Variants in FBN2 observed in about 807,000 individuals in gnomAD.
The protein encoded by FBN2 is fibrillin-2.
In FBN2, 105 loss-of-function variants were observed where a neutral mutation model predicts 355.6. The ratio of observed to expected loss-of-function variants is 0.30; its 90% CI spans 0.25 to 0.35. The LOEUF (loss-of-function observed/expected upper bound fraction) is 0.35. Ranked by LOEUF, FBN2 falls within the 10% of genes least tolerant of loss-of-function variation. The pLI is 1.00. For missense variants in FBN2, 3,280 were observed against 3,758.7 expected (o/e 0.87, Z 3.33); for synonymous variants, 1,350 against 1,301.2 (o/e 1.04, Z -0.81).
chr5:128,347,806 C>CCTCA (rs1751224789), intron 23 of FBN2, among the ~76,000 whole-genome samples: 1 of 151,738 alleles, frequency 6.6e-6, no homozygotes, highest in Non-Finnish European at 1.5e-5. Flanking sequence ...TGAGACAGAG[C>CCTCA]CTCACTCTGT....
intron 7 of FBN2, among the ~76,000 whole-genome samples, chr5:128,445,801 AT>A (rs1186298056): frequency 2.0e-5 from 3 of 152,172 alleles, no homozygotes; most frequent in Admixed American, 2.0e-4. Flanking sequence ...AACTTCTTGA[AT>A]TTTATAAAAA....
At position 128,311,610 on chromosome 5, in the gene FBN2, T is replaced by C. The variant is rs148767253; in HGVS notation, c.4949-185A>G. Among the ~76,000 whole-genome samples, 218 of 152,336 alleles carry C rather than the reference T, an allele frequency of 1.4e-3. 1 individual carries two copies. The highest frequency in any genetic ancestry group is 4.8e-3 in the African/African-American group (199 of 41,584). ...TGGCTTTGTCACAGAACTTTTACCA[T>C]TATCTGAGAAAATGAATAAAGTTAA... On this transcript the variant is annotated intron_variant, in intron 38 of 64. Coordinates refer to ENST00000262464, the MANE Select transcript of FBN2 (RefSeq NM_001999.4).
At position 128,396,078 on chromosome 5, in the gene FBN2, C is replaced by T. The variant is rs895000719; in HGVS notation, c.1079-804G>A. On this transcript the variant is annotated intron_variant, in intron 8 of 64. Transcript: ENST00000262464. ...ATGATGGTGGCTTTGATGAGGGTGG[C>T]AGCAGTGGAGATGATGAGGCTGAGC... 4.6e-5 allele frequency among the ~76,000 whole-genome samples: 7 copies of T among 152,042 alleles called. No homozygotes were observed. The East Asian group carries it at 5.8e-4, about 13-fold the overall frequency.
intron 6 of FBN2, among the ~76,000 whole-genome samples, chr5:128,453,585 T>C (rs1350088688): frequency 2.0e-5 from 3 of 152,238 alleles, no homozygotes; most frequent in African/African-American, 7.2e-5. Flanking sequence ...ATTTGGGTAG[T>C]AATTCTTTGA....
intron 7 of FBN2, among the ~76,000 whole-genome samples, chr5:128,431,394 A>C (rs1015992966): frequency 1.3e-5 from 2 of 152,174 alleles, no homozygotes; most frequent in Non-Finnish European, 2.9e-5. Flanking sequence ...GATTGCTGTC[A>C]ATCAGGAACA....
At chr5:128,469,462 C>T (rs570503530) in intron 5 of FBN2, among the ~76,000 whole-genome samples, 2 of 144,718 alleles carry the variant, frequency 1.4e-5, no homozygotes, top group South Asian at 2.2e-4. Flanking sequence ...ACCCAGGAGG[C>T]GGAGCTTGCA....
intron 7 of FBN2, chr5:128,442,186 T>C (rs994178257): frequency 4.7e-5 from 18 of 379,916 alleles, no homozygotes; most frequent in African/African-American, 3.6e-4. Flanking sequence ...CAAACTAAAT[T>C]GCAAACAACT....
intron 7 of FBN2, among the ~76,000 whole-genome samples, chr5:128,443,873 T>G (rs974883826): frequency 3.3e-5 from 5 of 152,132 alleles, no homozygotes; most frequent in Non-Finnish European, 7.4e-5. Flanking sequence ...TTGCTATAGT[T>G]ATATTTTTAT....
intron 5 of FBN2, among the ~76,000 whole-genome samples, chr5:128,466,025 T>G (rs1355512140): frequency 2.0e-5 from 3 of 152,206 alleles, no homozygotes; most frequent in African/African-American, 7.2e-5. Flanking sequence ...CTATCCTGCT[T>G]TCTTCTGTGA....
At chr5:128,400,542 C>T (rs1222550362) in intron 8 of FBN2, among the ~76,000 whole-genome samples, 1 of 152,056 alleles carries the variant, frequency 6.6e-6, no homozygotes, top group African/African-American at 2.4e-5. Flanking sequence ...TACAATCTGG[C>T]ACCCATCAAT....
chr5:128,293,107 T>C (rs1435023945), intron 48 of FBN2, among the ~76,000 whole-genome samples: 2 of 152,150 alleles, frequency 1.3e-5, no homozygotes, highest in East Asian at 3.8e-4. Context: ...CTGTGCAGGG[T>C]ATGTGTACAC....
chr5:128,303,218 C>G (rs1749769601), intron 45 of FBN2, 129 bp from the exon 46 acceptor site: 1 of 677,168 alleles, frequency 1.5e-6, no homozygotes, highest in African/African-American at 1.8e-5. Flanking sequence ...CTCATATCTA[C>G]TTGAGGAAAA....
In FBN2 at chr5:128,278,761, T is replaced by C; in HGVS notation, c.7219A>G (p.Lys2407Glu). 1.2e-6 allele frequency: 2 copies of C among 1,614,162 alleles called. No homozygotes were observed. The highest frequency in any genetic ancestry group is 1.3e-5 in the African/African-American group (1 of 75,046). Residue 2407 changes from lysine (K) to glutamate (E), a missense_variant, in exon 57 of 65, where the codon AAG becomes GAG. Lys to Glu is a moderately conservative substitution (Grantham distance 56). Coordinates refer to ENST00000262464, the MANE Select transcript of FBN2 (RefSeq NM_001999.4). ...MASSSRNLVT[K>E]SECCCDGGRG... The stretch of plus-strand genomic sequence containing the variant: ...CCACCATCACAGCAGCATTCTGACT[T>C]AGTGACGAGATTGCGACTACTGGAT...
At chr5:128,340,388 C>T (rs1318138295) in intron 25 of FBN2, among the ~76,000 whole-genome samples, 8 of 152,048 alleles carry the variant, frequency 5.3e-5, no homozygotes, top group Non-Finnish European at 1.0e-4. Flanking sequence ...TATTTATTTC[C>T]CTCATTACTG....
intron 62 of FBN2, 58 bp from the exon 63 acceptor site, chr5:128,263,714 A>G: frequency 7.8e-7 from 1 of 1,282,758 alleles, no homozygotes; most frequent in Non-Finnish European, 1.1e-6. Flanking sequence ...CAAAAACGTG[A>G]ACAAGTCTGG....
chr5:128,330,777 A>G, intron 32 of FBN2, 82 bp from the exon 33 acceptor site: 1 of 1,459,840 alleles, frequency 6.9e-7, no homozygotes, highest in Non-Finnish European at 9.6e-7. Flanking sequence ...CTTAATTTAC[A>G]TATAAACTGG....
chr5:128,476,776 C>T (rs941873689), intron 5 of FBN2, among the ~76,000 whole-genome samples: 7 of 152,164 alleles, frequency 4.6e-5, no homozygotes, highest in Non-Finnish European at 8.8e-5. Flanking sequence ...TTTCATGGAA[C>T]CTTCAGCTTC....
intron 20 of FBN2, among the ~76,000 whole-genome samples, chr5:128,355,864 G>A (rs1370885059): frequency 6.6e-6 from 1 of 152,180 alleles, no homozygotes; most frequent in East Asian, 1.9e-4. Flanking sequence ...TTGGCAATTG[G>A]AAGAATGACA....
intron 4 of FBN2, among the ~76,000 whole-genome samples, chr5:128,522,126 T>C (rs1382347339): frequency 6.6e-6 from 1 of 152,128 alleles, no homozygotes; most frequent in Non-Finnish European, 1.5e-5. Context: ...TTTTAAAATG[T>C]AAAGGGATCC....
Sources: gnomAD v4.1 joint callset for allele counts (sites outside exome capture counted in the v4.1 genomes callset) on GRCh38, gnomAD v4.1.1 for gene constraint, MANE v1.5 for transcripts, NCBI Gene and HGNC (gene_info 2026-07-23, HGNC 2026-07-21) for gene names.